The following PI4KA variants were observed in gnomAD, a reference collection of about 807,000 sequenced individuals.
PI4KA encodes the protein phosphatidylinositol 4-kinase alpha, also known as PI4-kinase alpha.
Under a neutral mutation model 271.4 loss-of-function variants are expected in PI4KA, and 122 were observed. The ratio of observed to expected loss-of-function variants is 0.45; its 90% confidence interval spans 0.39 to 0.52. The LOEUF (loss-of-function observed/expected upper bound fraction) is 0.52, where lower values mean the gene tolerates loss of function less well. Ranked by LOEUF, PI4KA falls within the 20% of genes least tolerant of loss-of-function variation. The probability of loss-of-function intolerance (pLI) is 0.00; values close to 1 mark genes in which losing one functional copy is unlikely to be tolerated. For missense variants in PI4KA, 1,969 were observed against 2,769.1 expected (o/e 0.71, Z 6.48); for synonymous variants, 1,041 against 1,078.8 (o/e 0.96, Z 0.69).
At position 20,746,070 on chromosome 22, in the gene PI4KA, T is replaced by TCC. The variant is rs1930046738; in HGVS notation, c.3364-1351_3364-1350insGG. On this transcript the variant is annotated intron_variant, in intron 29 of 54. Coordinates refer to ENST00000255882, the MANE Select transcript of PI4KA (RefSeq NM_058004.4). ...AAAAAAAAAAAAAAGAATTTTTTTT[T>TCC]TTTTTTTTTTGAGATGGAGTCTTGC... Among the ~76,000 whole-genome samples, 2 of 142,264 alleles carry TCC rather than the reference T, an allele frequency of 1.4e-5. 1 individual carries two copies. Among genetic ancestry groups the TCC allele is most frequent in the Admixed American group, 1.4e-4 (2 of 14,332 alleles). 93.3% of individuals were successfully genotyped at this position (142,264 alleles called of 152,430 possible).
chr22:20,786,901 G>A, intron 19 of PI4KA: 1 of 1,614,164 alleles, frequency 6.2e-7, no homozygotes, highest in Non-Finnish European at 8.5e-7. Context: ...CGATCACAGT[G>A]AACGAGGAAG....
chr22:20,784,930 T>G (rs773533845), intron 19 of PI4KA, among the ~76,000 whole-genome samples: 1 of 152,132 alleles, frequency 6.6e-6, no homozygotes, highest in Non-Finnish European at 1.5e-5. Flanking sequence ...CTGAGAAAAG[T>G]AGGCTCTCAG....
At chr22:20,772,020 T>A (rs565359724) in intron 19 of PI4KA, among the ~76,000 whole-genome samples, 2 of 152,370 alleles carry the variant, frequency 1.3e-5, no homozygotes, top group Non-Finnish European at 2.9e-5. Context: ...CATGAAATGA[T>A]GAGGACTAAC....
chr22:20,811,660 C>T (rs185344117), intron 8 of PI4KA, among the ~76,000 whole-genome samples: 96 of 146,418 alleles, frequency 6.6e-4, no homozygotes, highest in Non-Finnish European at 1.0e-3. Flanking sequence ...TGATGAAAGT[C>T]ATTTCCAAAA....
At position 20,786,986 on chromosome 22, in the gene PI4KA, C is replaced by G. The variant is rs977469414; in HGVS notation, c.2328+6207G>C. ...CCAAGTCCGCTTCACTGTCGACCGC[C>G]CCTTTCTTTTCCTCATCTACGAGCA... On this transcript the variant is annotated intron_variant, in intron 19 of 54. Transcript: ENST00000255882. 3 of 1,614,166 alleles carry G rather than the reference C, an allele frequency of 1.9e-6. No individual in the cohort carries two copies. In the South Asian group the frequency reaches 3.3e-5, roughly 18 times the overall value.
intron 43 of PI4KA, among the ~76,000 whole-genome samples, chr22:20,720,908 AG>A (rs1926657001): frequency 6.6e-6 from 1 of 152,230 alleles, no homozygotes; most frequent in South Asian, 2.1e-4. Context: ...GCGCTCTTTG[AG>A]GACCTCAATA....
chr22:20,804,722 A>G (rs1358479074), intron 11 of PI4KA, among the ~76,000 whole-genome samples: 1 of 152,250 alleles, frequency 6.6e-6, no homozygotes, highest in Non-Finnish European at 1.5e-5. Flanking sequence ...AGCAGAGAGC[A>G]TACACAGGCC....
At chr22:20,729,835 T>C (rs1927801922) in intron 37 of PI4KA, 57 bp downstream of exon 37, 1 of 1,610,506 alleles carries the variant, frequency 6.2e-7, no homozygotes, top group Non-Finnish European at 8.5e-7. Flanking sequence ...ATCAAGCAGC[T>C]TGCAACTAGA....
chr22:20,762,457 G>A (rs889513873), intron 22 of PI4KA, among the ~76,000 whole-genome samples: 1 of 152,218 alleles, frequency 6.6e-6, no homozygotes, highest in Non-Finnish European at 1.5e-5. Context: ...TCAAGGGCCT[G>A]GTAGGCAGCC....
Position 20,734,790 on chromosome 22 carries a change from G to A in PI4KA, c.3742-237C>T, listed in dbSNP as rs369816773. 195 of 638,964 alleles carry A rather than the reference G, an allele frequency of 3.1e-4. 1 individual carries two copies. In the South Asian group the frequency reaches 3.4e-3, roughly 11 times the overall value. 39.6% of individuals were successfully genotyped at this position (638,964 alleles called of 1,614,324 possible). ...TGCCTTCTGTTCAACCCGGTTCACC[G>A]TGTGGACATTGCAGGTGTGAGGTGG... On this transcript the variant is annotated intron_variant, in intron 32 of 54. Coordinates refer to ENST00000255882, the MANE Select transcript of PI4KA (RefSeq NM_058004.4).
chr22:20,764,902 G>A lies in PI4KA; in HGVS notation c.2623C>T (p.Pro875Ser), dbSNP rs772967885. ...RSTIINLLDP[P>S]PEVSALINKL... ...TTGATGAGTGCGGACACCTCGGGAG[G>A]GGGGTCCAGCAGGTTGATGATAGTG... is the stretch of plus-strand genomic sequence containing the variant. Residue 875 changes from proline (P) to serine (S), a missense_variant, in exon 22 of 55, where the codon CCT becomes TCT. Physicochemically the swap from Pro to Ser is moderately conservative, Grantham distance 74. Coordinates refer to ENST00000255882, the MANE Select transcript of PI4KA (RefSeq NM_058004.4). The A allele has an allele frequency of 5.6e-6, 9 of 1,613,442 alleles. No homozygotes were observed. The highest frequency in any genetic ancestry group is 7.6e-6 in the Non-Finnish European group (9 of 1,179,590).
intron 19 of PI4KA, chr22:20,779,470 C>T (rs961600527): frequency 8.1e-6 from 13 of 1,614,046 alleles, no homozygotes; most frequent in African/African-American, 5.3e-5. Context: ...CTGAGCATGC[C>T]TCTTCTCCCT....
intron 22 of PI4KA, among the ~76,000 whole-genome samples, chr22:20,762,207 C>T (rs892455215): frequency 6.6e-6 from 1 of 152,206 alleles, no homozygotes; most frequent in Non-Finnish European, 1.5e-5. Flanking sequence ...GCAGCAGCGG[C>T]TCGGCAGGCC....
chr22:20,725,741 C>A, intron 42 of PI4KA: 1 of 304,100 alleles, frequency 3.3e-6, no homozygotes, highest in South Asian at 2.8e-5. Flanking sequence ...ACAAAAAATA[C>A]AAAAATTAGC....
chr22:20,714,817 T>C, intron 45 of PI4KA, 117 bp from the exon 46 acceptor site: 1 of 1,194,372 alleles, frequency 8.4e-7, no homozygotes, highest in Non-Finnish European at 1.2e-6. Context: ...CCCGCCCCTG[T>C]GGAGGGGCCT....
rs1924788132 is a variant in PI4KA, at chr22:20,708,397, T to TA, written c.6258-300dup. Among the ~76,000 whole-genome samples the TA allele has an allele frequency of 2.0e-5, 3 of 151,620 alleles. No individual in the cohort carries two copies. The South Asian group carries it at 6.3e-4, about 32-fold the overall frequency. On this transcript the variant is annotated intron_variant, in intron 54 of 54. Coordinates refer to ENST00000255882, the MANE Select transcript of PI4KA (RefSeq NM_058004.4). ...TGGCCAGATGCCTCCAAGGGGTCTG[T>TA]ACGCTCTCCTCGCACCTCTGGAGAG... is the stretch of plus-strand genomic sequence containing the variant.
rs180986624 is a variant in PI4KA, at chr22:20,795,370, A to G, written c.2277+776T>C. Among the ~76,000 whole-genome samples, 1,416 of 152,164 alleles carry G rather than the reference A, an allele frequency of 9.3e-3. 6 individuals are homozygous for G. The highest frequency in any genetic ancestry group is 0.015 in the Non-Finnish European group (1,004 of 68,004). On this transcript the variant is annotated intron_variant, in intron 18 of 54. Transcript: ENST00000255882. ...CCCTATCTAAAAAAATCAAATGTTT[A>G]GCCAACCAAAATTAGTTTAAATTAT...
At chr22:20,774,478 A>G (rs181105638) in intron 19 of PI4KA, among the ~76,000 whole-genome samples, 3 of 152,290 alleles carry the variant, frequency 2.0e-5, no homozygotes, top group Admixed American at 2.0e-4. Flanking sequence ...TAAAGGTTAG[A>G]GGGGCCGGGT....
At chr22:20,746,038 CAAAAAAA>C (rs11330592) in intron 29 of PI4KA, among the ~76,000 whole-genome samples, 16 of 60,388 alleles carry the variant, frequency 2.6e-4, no homozygotes, top group Middle Eastern at 0.019. Context: ...GGGGTTTCAT[CAAAAAAA>C]AAAAAAAAAA....
Sources: gnomAD v4.1 joint callset for allele counts (sites outside exome capture counted in the v4.1 genomes callset) on GRCh38, gnomAD v4.1.1 for gene constraint, MANE v1.5 for transcripts, NCBI Gene and HGNC (gene_info 2026-07-23, HGNC 2026-07-21) for gene names.